The following GAS7 variants were observed in gnomAD, a reference collection of about 807,000 sequenced individuals.
GAS7 encodes growth arrest specific 7, also known as growth arrest-specific protein 7.
In GAS7, 28 loss-of-function variants were observed where a neutral mutation model predicts 71.1. That is an observed-to-expected ratio of 0.39 (90% CI 0.29 to 0.54). The LOEUF (loss-of-function observed/expected upper bound fraction) is 0.54, where lower values mean the gene tolerates loss of function less well. GAS7 is among the 20% of genes least tolerant of loss of function. GAS7 has a pLI of 0.62. For synonymous variants in GAS7, 258 were observed against 245.8 expected (o/e 1.05, Z -0.46); for missense variants, 436 against 627.8 (o/e 0.69, Z 3.27).
At chr17:10,184,925 C>CTTT (rs58498116) in intron 1 of GAS7, among the ~76,000 whole-genome samples, 19 of 130,864 alleles carry the variant, frequency 1.5e-4, no homozygotes, top group East Asian at 6.5e-4. Context: ...TATAAAAACT[C>CTTT]TTTTTTTTTT....
In GAS7 at chr17:10,150,440, A is replaced by C. The variant is rs1256560777; in HGVS notation, c.183+47768T>G. 2.0e-5 allele frequency among the ~76,000 whole-genome samples: 3 copies of C among 151,732 alleles called. No individual in the cohort carries two copies. The East Asian group carries it at 5.8e-4, about 29-fold the overall frequency. ...TACACACACACACACACACACACAC[A>C]CACACACACACAAAGTGTAAATGGA... is the stretch of plus-strand genomic sequence containing the variant. On this transcript the variant is annotated intron_variant, in intron 1 of 13. Coordinates refer to ENST00000432992, the MANE Select transcript of GAS7 (RefSeq NM_201433.2).
intron 2 of GAS7, among the ~76,000 whole-genome samples, chr17:10,011,921 G>A (rs1316857577): frequency 6.7e-6 from 1 of 150,226 alleles, no homozygotes; most frequent in African/African-American, 2.5e-5. Context: ...GGTTGTGTGG[G>A]CCGAGATTGC....
intron 1 of GAS7, among the ~76,000 whole-genome samples, chr17:10,072,034 G>A (rs532034728): frequency 1.2e-3 from 185 of 152,208 alleles, no homozygotes; most frequent in African/African-American, 4.0e-3. Flanking sequence ...ACAGGATGAG[G>A]AGAAATGCTG....
intron 4 of GAS7, among the ~76,000 whole-genome samples, chr17:9,960,338 C>T (rs1349050987): frequency 1.3e-5 from 2 of 152,050 alleles, no homozygotes; most frequent in South Asian, 2.1e-4. Context: ...TACAGGTGCC[C>T]GCCAGCACGC....
chr17:10,001,562 A>G (rs1030525810), intron 2 of GAS7, among the ~76,000 whole-genome samples: 3 of 152,118 alleles, frequency 2.0e-5, no homozygotes, highest in African/African-American at 7.2e-5. Flanking sequence ...GTTGTCTCTC[A>G]GGGGAAATAC....
intron 1 of GAS7, among the ~76,000 whole-genome samples, chr17:10,139,503 C>T (rs1265784142): frequency 6.6e-6 from 1 of 152,148 alleles, no homozygotes; most frequent in Non-Finnish European, 1.5e-5. Context: ...AATAACTCTG[C>T]AATTTGTATT....
chr17:9,919,013 C>T lies in GAS7; in HGVS notation c.1218+613G>A, dbSNP rs925573084. ...GGTGGCTTTAGGCAGTGGGCTGATC[C>T]GATGAGCACCTGGCATGATGCCTCC... On this transcript the variant is annotated intron_variant, in intron 12 of 13. Coordinates refer to ENST00000432992, the MANE Select transcript of GAS7 (RefSeq NM_201433.2). This position sits in a 1 kb window ranked among gnomAD's most constrained non-coding sequence, Gnocchi z 5.0. 3.9e-5 allele frequency among the ~76,000 whole-genome samples: 6 copies of T among 152,128 alleles called. No homozygotes were observed. Among genetic ancestry groups the T allele is most frequent in the African/African-American group, 1.2e-4 (5 of 41,414 alleles).
chr17:10,029,327 C>T (rs754382842), intron 1 of GAS7, among the ~76,000 whole-genome samples: 3 of 152,142 alleles, frequency 2.0e-5, no homozygotes, highest in African/African-American at 4.8e-5. Context: ...CTCATGTCCT[C>T]CTTAGCAGAA....
chr17:10,151,899 C>T (rs79666361), intron 1 of GAS7, among the ~76,000 whole-genome samples: 14,988 of 152,176 alleles, frequency 0.098, 841 homozygotes, highest in Non-Finnish European at 0.12. Context: ...TTCAGTTTCC[C>T]TTTGTTAATG....
intron 1 of GAS7, among the ~76,000 whole-genome samples, chr17:10,169,954 G>C (rs1315755835): frequency 6.6e-6 from 1 of 152,038 alleles, no homozygotes; most frequent in African/African-American, 2.4e-5. Context: ...CCTCCCATTT[G>C]CTTATGCCAA....
intron 1 of GAS7, among the ~76,000 whole-genome samples, chr17:10,066,673 T>C (rs1023638974): frequency 2.6e-5 from 4 of 152,176 alleles, no homozygotes; most frequent in Admixed American, 2.0e-4. Flanking sequence ...TAACTGTTTA[T>C]TTCAAGGTCT....
chr17:10,194,858 CAAAAA>C (rs5819269), intron 1 of GAS7, among the ~76,000 whole-genome samples: 5 of 85,196 alleles, frequency 5.9e-5, no homozygotes, highest in Non-Finnish European at 7.9e-5. Flanking sequence ...GACTCTGTCT[CAAAAA>C]AAAAAAAAAA....
chr17:10,005,078 C>CAT (rs1555617258), intron 2 of GAS7, among the ~76,000 whole-genome samples: 2 of 127,362 alleles, frequency 1.6e-5, no homozygotes, highest in East Asian at 2.5e-4. Flanking sequence ...TGCACGCATA[C>CAT]ATGCGTGTGT....
chr17:10,000,197 T>G (rs1424173328), intron 2 of GAS7, among the ~76,000 whole-genome samples: 1 of 152,212 alleles, frequency 6.6e-6, no homozygotes, highest in Non-Finnish European at 1.5e-5. Flanking sequence ...AATTTCTGGG[T>G]CTCACCCCTA....
intron 4 of GAS7, among the ~76,000 whole-genome samples, chr17:9,964,959 G>A (rs762281537): frequency 3.3e-5 from 5 of 152,082 alleles, no homozygotes; most frequent in Admixed American, 1.3e-4. Context: ...CAAGCCCTTC[G>A]TCCCATTCTC....
At chr17:10,122,925 G>A (rs1260839644) in intron 1 of GAS7, among the ~76,000 whole-genome samples, 1 of 152,084 alleles carries the variant, frequency 6.6e-6, no homozygotes, top group East Asian at 1.9e-4. Context: ...CAACCTCCTG[G>A]GCTCTGAGCA....
chr17:10,169,058 C>G (rs2074315843), intron 1 of GAS7, among the ~76,000 whole-genome samples: 1 of 151,290 alleles, frequency 6.6e-6, no homozygotes, highest in Non-Finnish European at 1.5e-5. Context: ...AGGCAGATCA[C>G]AATGTCAGGA....
In GAS7 at chr17:10,021,727, C is replaced by T. The variant is rs556533904; in HGVS notation, c.184-1830G>A. 1.7e-4 allele frequency among the ~76,000 whole-genome samples: 26 copies of T among 152,352 alleles called. No individual in the cohort carries two copies. In the East Asian group the frequency reaches 4.4e-3, roughly 26 times the overall value. ...AGCATGTCCAGTAAGCACAAGCCCA[C>T]ATCTGGGCAGGTTTACCTGGGCCCT... On this transcript the variant is annotated intron_variant, in intron 1 of 13. Coordinates refer to ENST00000432992, the MANE Select transcript of GAS7 (RefSeq NM_201433.2).
At chr17:10,149,793 A>G (rs1017339565) in intron 1 of GAS7, among the ~76,000 whole-genome samples, 6 of 152,248 alleles carry the variant, frequency 3.9e-5, no homozygotes, top group Non-Finnish European at 7.3e-5. Flanking sequence ...TGCATGTTAC[A>G]ATACAGATAA....
Sources: gnomAD v4.1 joint callset for allele counts (sites outside exome capture counted in the v4.1 genomes callset) on GRCh38, gnomAD v4.1.1 for gene constraint, Gnocchi (gnomAD v3.1) non-coding constraint, MANE v1.5 for transcripts, NCBI Gene and HGNC (gene_info 2026-07-23, HGNC 2026-07-21) for gene names.